SAFB2: variants seen among roughly 807,000 people sequenced by gnomAD.
The protein encoded by SAFB2 is scaffold attachment factor B2.
A neutral mutation model predicts 100.6 loss-of-function variants in SAFB2; 32 were observed. The ratio of observed to expected loss-of-function variants is 0.32; its 90% CI spans 0.24 to 0.43. SAFB2 has a LOEUF of 0.43. SAFB2 is among the 20% of genes least tolerant of loss of function. The pLI is 1.00. For missense variants in SAFB2, 1,185 were observed against 1,163.4 expected, an observed-to-expected ratio of 1.02 and a Z score of -0.27; for synonymous variants, 500 against 439.4, an observed-to-expected ratio of 1.14 and a Z score of -1.72.
intron 2 of SAFB2, among the ~76,000 whole-genome samples, chr19:5,617,856 C>T (rs1241478564): frequency 6.6e-6 from 1 of 152,138 alleles, no homozygotes; most frequent in African/African-American, 2.4e-5. Context: ...AAAAAATGCC[C>T]ACAGTGTAGG....
chr19:5,619,762 T>C (rs1261844914), intron 2 of SAFB2, among the ~76,000 whole-genome samples: 1 of 151,866 alleles, frequency 6.6e-6, no homozygotes, highest in East Asian at 1.9e-4. Flanking sequence ...CAAGAATCAC[T>C]TGAACCCGGG....
At chr19:5,595,649 G>A in intron 13 of SAFB2, 152 bp from the exon 14 acceptor site, 1 of 933,836 alleles carries the variant, frequency 1.1e-6, no homozygotes, top group Non-Finnish European at 1.6e-6. Context: ...CCAGGCATAG[G>A]CTGCTTCCCT....
chr19:5,605,883 G>A (rs2052764030), intron 9 of SAFB2, among the ~76,000 whole-genome samples: 1 of 152,186 alleles, frequency 6.6e-6, no homozygotes, highest in Non-Finnish European at 1.5e-5. Context: ...GACCAAGACA[G>A]AGAGAAATCA....
chr19:5,587,188 G>A lies in SAFB2; in HGVS notation c.*55C>T. The A allele has an allele frequency of 6.3e-7, 1 of 1,588,572 alleles. No individual in the cohort carries two copies. Among genetic ancestry groups the A allele is most frequent in the Non-Finnish European group, 8.6e-7 (1 of 1,160,802 alleles). On this transcript the variant is annotated 3_prime_UTR_variant, in exon 21 of 21. Coordinates refer to ENST00000252542, the MANE Select transcript of SAFB2 (RefSeq NM_014649.3). The surrounding 1 kb of genome is among the most constrained non-coding windows in gnomAD (Gnocchi z 4.9). ...GATCCCCCAAGTTCGAGGGAACCCT[G>A]GCTACCAGATTCAACAGTGCGTCTG...
chr19:5,622,160 G>C (rs2053169690), intron 1 of SAFB2, among the ~76,000 whole-genome samples: 1 of 152,210 alleles, frequency 6.6e-6, no homozygotes, highest in African/African-American at 2.4e-5. Flanking sequence ...TCTGGAGTCC[G>C]CCAGACACCC....
At chr19:5,607,266 CAAACAAAAACAA>C (rs573080593) in intron 9 of SAFB2, among the ~76,000 whole-genome samples, 108 of 151,876 alleles carry the variant, frequency 7.1e-4, no homozygotes, top group African/African-American at 2.4e-3. Flanking sequence ...GTCTCAAAAA[CAAACAAAAACAA>C]AAACAAAAAC....
At chr19:5,618,240 T>C (rs2053074117) in intron 2 of SAFB2, among the ~76,000 whole-genome samples, 1 of 152,154 alleles carries the variant, frequency 6.6e-6, no homozygotes, top group Non-Finnish European at 1.5e-5. Context: ...CGGGCGCCTG[T>C]AGTCTCAGCT....
intron 11 of SAFB2, among the ~76,000 whole-genome samples, chr19:5,601,725 A>AATAG (rs1360276473): frequency 2.0e-5 from 3 of 151,350 alleles, no homozygotes; most frequent in Admixed American, 2.0e-4. Flanking sequence ...TAAATAAATA[A>AATAG]ATAAATAAAT....
intron 4 of SAFB2, 58 bp from the exon 5 acceptor site, chr19:5,613,585 G>T: frequency 1.3e-6 from 2 of 1,586,886 alleles, no homozygotes; most frequent in Non-Finnish European, 1.7e-6. Context: ...AACCAAGGCT[G>T]ACACCTCGCT....
Position 5,587,641 on chromosome 19 carries a change from A to G in SAFB2, c.2705+60T>C, listed in dbSNP as rs1221466828. On this transcript the variant is annotated intron_variant, in intron 20 of 20. Transcript: ENST00000252542. This position sits in a 1 kb window ranked among gnomAD's most constrained non-coding sequence, Gnocchi z 4.9. ...CAGCCAGCTGATCAAACATGCAAAA[A>G]AGGGAGAGGAAGTGAGGAGCAGGAG... The G allele has an allele frequency of 4.0e-6, 6 of 1,492,506 alleles. No individual in the cohort carries two copies. The highest frequency in any genetic ancestry group is 3.6e-6 in the Non-Finnish European group (4 of 1,115,062). 92.5% of individuals were successfully genotyped at this position (1,492,506 alleles called of 1,614,324 possible). A position where few individuals can be genotyped will look rare whatever the true frequency, so the allele number is the denominator to read the frequency against.
chr19:5,600,351 G>A, intron 11 of SAFB2, 91 bp from the exon 12 acceptor site: 13 of 1,528,078 alleles, frequency 8.5e-6, no homozygotes, highest in Admixed American at 2.2e-5. Context: ...ATACTCAGAC[G>A]TCCACACAAA....
At chr19:5,602,638 A>G (rs558909904) in intron 11 of SAFB2, among the ~76,000 whole-genome samples, 1 of 152,192 alleles carries the variant, frequency 6.6e-6, no homozygotes, top group South Asian at 2.1e-4. Flanking sequence ...CCTCTCCTAC[A>G]TAGAGCAAGT....
intron 4 of SAFB2, among the ~76,000 whole-genome samples, chr19:5,615,762 G>C (rs2053014087): frequency 6.6e-6 from 1 of 152,020 alleles, no homozygotes; most frequent in Non-Finnish European, 1.5e-5. Flanking sequence ...AACTAAATGG[G>C]CACTGTGGCC....
intron 4 of SAFB2, 27 bp downstream of exon 4, chr19:5,616,105 A>G (rs1568230312): frequency 6.2e-7 from 1 of 1,611,900 alleles, no homozygotes. Flanking sequence ...CTATGGGCAC[A>G]TCCTGCCGTG....
chr19:5,621,659 A>G (rs908221054), intron 1 of SAFB2, among the ~76,000 whole-genome samples: 1 of 152,204 alleles, frequency 6.6e-6, no homozygotes, highest in African/African-American at 2.4e-5. Context: ...CAAAATGGCA[A>G]CTCAACTCGA....
At chr19:5,622,050 G>A (rs1479985631) in intron 1 of SAFB2, among the ~76,000 whole-genome samples, 2 of 152,242 alleles carry the variant, frequency 1.3e-5, no homozygotes, top group African/African-American at 4.8e-5. Flanking sequence ...ATGACAACAA[G>A]GGGCCGGCCA....
intron 9 of SAFB2, among the ~76,000 whole-genome samples, chr19:5,608,352 C>T (rs1043146430): frequency 9.2e-5 from 14 of 152,164 alleles, no homozygotes; most frequent in South Asian, 2.1e-4. Context: ...GTCTTTTTCC[C>T]GCCAGACTAA....
intron 2 of SAFB2, among the ~76,000 whole-genome samples, chr19:5,618,844 G>T (rs151282194): frequency 1.2e-3 from 185 of 152,350 alleles, no homozygotes; most frequent in African/African-American, 4.3e-3. Flanking sequence ...GGACACAGAT[G>T]TAAGAAAATC....
chr19:5,620,725 G>A (rs2053122761), intron 2 of SAFB2, among the ~76,000 whole-genome samples: 1 of 152,198 alleles, frequency 6.6e-6, no homozygotes, highest in Non-Finnish European at 1.5e-5. Context: ...TTTGGGTGAT[G>A]AAAATCCAGA....
Sources: gnomAD v4.1 joint callset for allele counts (sites outside exome capture counted in the v4.1 genomes callset) on GRCh38, gnomAD v4.1.1 for gene constraint, Gnocchi (gnomAD v3.1) non-coding constraint, MANE v1.5 for transcripts, NCBI Gene and HGNC (gene_info 2026-07-23, HGNC 2026-07-21) for gene names.